Variants in AMTN observed in about 807,000 individuals in gnomAD.
AMTN encodes amelotin, also known as RSTI689.
AMTN carries 29 observed loss-of-function variants against 27.4 expected under a neutral mutation model. The observed-to-expected ratio is 1.06, with a 90% CI of 0.79 to 1.44. The LOEUF (loss-of-function observed/expected upper bound fraction) is 1.44, where lower values mean the gene tolerates loss of function less well. Among genes scored for constraint, AMTN ranks in the 40% most tolerant of loss-of-function variants. The probability of loss-of-function intolerance (pLI) is 0.00; values close to 1 mark genes in which losing one functional copy is unlikely to be tolerated. For missense variants in AMTN, 247 were observed against 248.8 expected (o/e 0.99, Z 0.05); for synonymous variants, 86 against 95.7 (o/e 0.90, Z 0.59).
rs551455177 is a variant in AMTN, at chr4:70,518,615, G to A, written c.-55G>A. ...CCAGAGTAAACTTGAGAAACCAACT[G>A]GACCTTGAGTATTGTACATTTTGCC... On this transcript the variant is annotated 5_prime_UTR_variant, in exon 1 of 9. Coordinates refer to ENST00000339336, the MANE Select transcript of AMTN (RefSeq NM_212557.4). The A allele has an allele frequency of 4.7e-4, 281 of 594,154 alleles. 3 individuals are homozygous for A. In the Middle Eastern group the frequency reaches 6.5e-3, roughly 14 times the overall value. 36.8% of individuals were successfully genotyped at this position (594,154 alleles called of 1,614,324 possible). A position where few individuals can be genotyped will look rare whatever the true frequency, so the allele number is the denominator to read the frequency against.
intron 4 of AMTN, among the ~76,000 whole-genome samples, chr4:70,524,483 TC>T (rs1256248163): frequency 1.3e-5 from 2 of 152,226 alleles, no homozygotes; most frequent in Non-Finnish European, 2.9e-5. Flanking sequence ...AGTCTGAACC[TC>T]ATAATTTTCA....
chr4:70,519,245 A>G (rs1256689979), intron 2 of AMTN, among the ~76,000 whole-genome samples: 2 of 152,238 alleles, frequency 1.3e-5, no homozygotes, highest in Non-Finnish European at 2.9e-5. Flanking sequence ...GATTGTATAA[A>G]TTCTAAAAAG....
chr4:70,522,687 G>A, intron 2 of AMTN, 68 bp from the exon 3 acceptor site: 1 of 1,476,852 alleles, frequency 6.8e-7, no homozygotes, highest in South Asian at 1.1e-5. Flanking sequence ...TGGCAACCTG[G>A]ATATAAATGG....
chr4:70,521,151 G>C (rs28534758), intron 2 of AMTN, among the ~76,000 whole-genome samples: 7,488 of 152,164 alleles, frequency 0.049, 582 homozygotes, highest in African/African-American at 0.16. Context: ...GGCCAAGGCA[G>C]GCGGATCACT....
intron 2 of AMTN, among the ~76,000 whole-genome samples, chr4:70,519,736 A>T (rs1043136103): frequency 2.0e-5 from 3 of 151,584 alleles, no homozygotes; most frequent in Non-Finnish European, 2.9e-5. Context: ...TACCAATGTC[A>T]CTTGCCAATT....
chr4:70,521,240 C>T (rs562026452), intron 2 of AMTN, among the ~76,000 whole-genome samples: 4 of 152,020 alleles, frequency 2.6e-5, no homozygotes, highest in Admixed American at 6.5e-5. Context: ...ATTAGCTGGA[C>T]GTGGTGGTGT....
chr4:70,518,651 A>G lies in AMTN; in HGVS notation c.-19A>G. ...ATTGTACATTTTGCCTCGTGGACCC[A>G]AAGGTAACATTAATTGACCATGTTT... is the stretch of plus-strand genomic sequence containing the variant. On this transcript the variant is annotated 5_prime_UTR_variant, in exon 1 of 9. Transcript: ENST00000339336. 2.6e-6 allele frequency: 2 copies of G among 765,882 alleles called. No individual in the cohort carries two copies. The highest frequency in any genetic ancestry group is 4.4e-6 in the Non-Finnish European group (2 of 457,700). The allele number at this position is 765,882 out of a possible 1,614,324, so 47.4% of individuals were successfully genotyped here.
intron 5 of AMTN, among the ~76,000 whole-genome samples, chr4:70,525,444 C>T (rs1736081697): frequency 1.3e-5 from 2 of 152,282 alleles, no homozygotes; most frequent in Non-Finnish European, 2.9e-5. Context: ...TACCACCTCC[C>T]ACTATCACTT....
rs558269015 is a variant in AMTN, at chr4:70,524,897, C to T, written c.230C>T (p.Pro77Leu). The T allele has an allele frequency of 6.2e-7, 1 of 1,613,906 alleles. No individual in the cohort carries two copies. The highest frequency in any genetic ancestry group is 1.3e-5 in the African/African-American group (1 of 74,916). ...HLLNPAAGMT[P>L]GTQTHPLTLG... ...TTAAATCCTGCTGCAGGAATGACAC[C>T]TGGTACCCAGACCCACCCATTGACC... Residue 77 changes from proline to leucine, a missense_variant, in exon 5 of 9, where the codon CCT (proline) becomes CTT (leucine). By Grantham distance (98) the Pro-to-Leu change is moderately conservative. Coordinates refer to ENST00000339336, the MANE Select transcript of AMTN (RefSeq NM_212557.4).
At chr4:70,523,477 A>G (rs184550989) in intron 3 of AMTN, among the ~76,000 whole-genome samples, 1 of 152,284 alleles carries the variant, frequency 6.6e-6, no homozygotes, top group East Asian at 1.9e-4. Flanking sequence ...TCTTCTCCTC[A>G]GTCAACAGAA....
chr4:70,520,724 A>G (rs1293951920), intron 2 of AMTN, among the ~76,000 whole-genome samples: 2 of 152,192 alleles, frequency 1.3e-5, no homozygotes, highest in East Asian at 3.8e-4. Context: ...AGTGAGCACT[A>G]TGAAAAAAAG....
At chr4:70,525,468 C>T (rs1471646329) in intron 5 of AMTN, among the ~76,000 whole-genome samples, 3 of 152,146 alleles carry the variant, frequency 2.0e-5, no homozygotes, top group African/African-American at 4.8e-5. Context: ...TTCAAAAAAA[C>T]GAAACCTGAA....
At position 70,521,646 on chromosome 4, in the gene AMTN, T is replaced by C. The variant is rs1413731596; in HGVS notation, c.55-1109T>C. On this transcript the variant is annotated intron_variant, in intron 2 of 8. Coordinates refer to ENST00000339336, the MANE Select transcript of AMTN (RefSeq NM_212557.4). Reference sequence around the variant, plus strand: ...ACAGATAATACCAACCTCTCTTTTTTTTTTTTTTTTTTTTTTTTTTTTTTT... The same window carrying C: ...ACAGATAATACCAACCTCTCTTTTTCTTTTTTTTTTTTTTTTTTTTTTTTT... Among the ~76,000 whole-genome samples the C allele has an allele frequency of 4.2e-3, 60 of 14,234 alleles. 4 individuals are homozygous for C. Among genetic ancestry groups the C allele is most frequent in the Middle Eastern group, 0.016 (1 of 64 alleles). The allele number at this position is 14,234 out of a possible 152,430, so 9.3% of individuals were successfully genotyped here. A position where few individuals can be genotyped will look rare whatever the true frequency, so the allele number is the denominator to read the frequency against.
chr4:70,529,129 A>T, intron 6 of AMTN, 55 bp from the exon 7 acceptor site: 1 of 1,407,982 alleles, frequency 7.1e-7, no homozygotes, highest in Non-Finnish European at 9.6e-7. Flanking sequence ...TACATATATT[A>T]CTACAAATAC....
intron 8 of AMTN, among the ~76,000 whole-genome samples, chr4:70,531,639 G>C (rs1481488532): frequency 1.3e-5 from 2 of 152,082 alleles, no homozygotes; most frequent in Non-Finnish European, 2.9e-5. Flanking sequence ...CAGCCTCCCA[G>C]TAGCTAGGAT....
At chr4:70,522,664 A>ATGT in intron 2 of AMTN, 91 bp from the exon 3 acceptor site, 1 of 1,158,888 alleles carries the variant, frequency 8.6e-7, no homozygotes, top group South Asian at 1.3e-5. Context: ...AAAGATAGAC[A>ATGT]TGTTTGCATT....
Position 70,531,178 on chromosome 4 carries a change from G to A in AMTN, c.497G>A (p.Gly166Glu), listed in dbSNP as rs565052404. ...GGAGVNPATQ[G>E]TPAGRLPTPS... Reference sequence around the variant, plus strand: ...GCAGGTGTAAATCCTGCCACCCAGGGAACCCCAGCAGGCCGCCTCCCAACT... The same window carrying A: ...GCAGGTGTAAATCCTGCCACCCAGGAAACCCCAGCAGGCCGCCTCCCAACT... Residue 166 changes from glycine (G) to glutamate (E), a missense_variant, in exon 8 of 9, where the codon GGA becomes GAA. Coordinates refer to ENST00000339336, the MANE Select transcript of AMTN (RefSeq NM_212557.4). 3 of 1,614,000 alleles carry A rather than the reference G, an allele frequency of 1.9e-6. No individual in the cohort carries two copies. Among genetic ancestry groups the A allele is most frequent in the African/African-American group, 1.3e-5 (1 of 75,030 alleles).
In AMTN at chr4:70,524,962, G is replaced by A. The variant is rs1300234758; in HGVS notation, c.294+1G>A. 59 of 1,613,336 alleles carry A rather than the reference G, an allele frequency of 3.7e-5. No individual in the cohort carries two copies. The highest frequency in any genetic ancestry group is 4.7e-5 in the Non-Finnish European group (56 of 1,179,462). On this transcript the variant is annotated splice_donor_variant, in intron 5 of 8. Coordinates refer to ENST00000339336, the MANE Select transcript of AMTN (RefSeq NM_212557.4). LOFTEE classifies it high-confidence loss of function. The stretch of plus-strand genomic sequence containing the variant: ...TGTACAACAGCAACTGCACCCACAT[G>A]TAAGTTGAACAGCTGGACCTTAGTT...
chr4:70,529,277 T>C (rs1736165334), intron 7 of AMTN, 67 bp downstream of exon 7: 1 of 1,236,236 alleles, frequency 8.1e-7, no homozygotes, highest in Non-Finnish European at 1.1e-6. Flanking sequence ...TGTCCTCATA[T>C]AGTCTCTTTT....
Sources: allele counts gnomAD v4.1 joint callset (sites outside exome capture counted in the v4.1 genomes callset), GRCh38; gene constraint gnomAD v4.1.1; transcripts MANE v1.5; gene names NCBI Gene and HGNC (gene_info 2026-07-23, HGNC 2026-07-21).